CDH23: variants seen among roughly 807,000 people sequenced by gnomAD.
The protein encoded by CDH23 is cadherin related 23, also known as cadherin-23.
A neutral mutation model predicts 317.1 loss-of-function variants in CDH23; 189 were observed. That is an observed-to-expected ratio of 0.60 (90% CI 0.53 to 0.67). The LOEUF is 0.67. Ranked by LOEUF, CDH23 falls within the 30% of genes least tolerant of loss-of-function variation. CDH23 has a pLI of 0.00. For synonymous variants in CDH23, 1,839 were observed against 1,876.8 expected (o/e 0.98, Z 0.52); for missense variants, 4,401 against 4,592.4 (o/e 0.96, Z 1.20).
rs760234013 is a variant in CDH23, at chr10:71,784,873, C to A, written c.5503-18C>A. 1.2e-6 allele frequency: 2 copies of A among 1,609,188 alleles called. No individual in the cohort carries two copies. Among genetic ancestry groups the A allele is most frequent in the South Asian group, 2.2e-5 (2 of 91,016 alleles). On this transcript the variant is annotated intron_variant, in intron 42 of 69. Coordinates refer to ENST00000224721, the MANE Select transcript of CDH23 (RefSeq NM_022124.6). ...GTCGCTCTTCCTCCCCTCCCTCCTC[C>A]TTCTCTGACTGGCCCAGATGCTGGT... is the stretch of plus-strand genomic sequence containing the variant.
chr10:71,565,002 G>A (rs930211864), intron 6 of CDH23, among the ~76,000 whole-genome samples: 4 of 152,194 alleles, frequency 2.6e-5, no homozygotes, highest in Non-Finnish European at 1.5e-5. Flanking sequence ...AAGTACAAAA[G>A]CAGACTTTCA....
At chr10:71,654,602 C>T (rs1218952003) in intron 14 of CDH23, among the ~76,000 whole-genome samples, 2 of 152,184 alleles carry the variant, frequency 1.3e-5, no homozygotes, top group Non-Finnish European at 2.9e-5. Flanking sequence ...GGTGACTCGA[C>T]CAGCTGGAGT....
intron 6 of CDH23, among the ~76,000 whole-genome samples, chr10:71,535,910 CA>C (rs1855674900): frequency 6.6e-6 from 1 of 152,252 alleles, no homozygotes; most frequent in Non-Finnish European, 1.5e-5. Flanking sequence ...TGCCCATTAC[CA>C]AAACAGACAA....
chr10:71,547,053 C>G (rs1370309756), intron 6 of CDH23, among the ~76,000 whole-genome samples: 2 of 152,186 alleles, frequency 1.3e-5, no homozygotes, highest in Non-Finnish European at 2.9e-5. Context: ...GGCACTGGGC[C>G]GGGCCCTGGG....
chr10:71,657,637 G>A (rs760816938), intron 14 of CDH23, among the ~76,000 whole-genome samples: 8 of 152,130 alleles, frequency 5.3e-5, no homozygotes, highest in African/African-American at 9.7e-5. Flanking sequence ...TTGCGCCTCT[G>A]CCCAAGAATC....
chr10:71,640,984 G>A (rs551480813), intron 11 of CDH23, among the ~76,000 whole-genome samples: 2 of 152,280 alleles, frequency 1.3e-5, no homozygotes, highest in African/African-American at 4.8e-5. Flanking sequence ...GAATGCGGAT[G>A]CCTATGCTTC....
chr10:71,645,374 T>A (rs1231628297), intron 12 of CDH23, among the ~76,000 whole-genome samples: 2 of 152,202 alleles, frequency 1.3e-5, no homozygotes, highest in Non-Finnish European at 2.9e-5. Context: ...AAGAACAGCA[T>A]CTGCATCCCT....
chr10:71,551,267 T>C (rs1271713685), intron 6 of CDH23, among the ~76,000 whole-genome samples: 1 of 152,232 alleles, frequency 6.6e-6, no homozygotes, highest in Non-Finnish European at 1.5e-5. Flanking sequence ...ATTCATGGTA[T>C]TAGCATCCTG....
At chr10:71,639,051 C>T (rs1240413638) in intron 11 of CDH23, among the ~76,000 whole-genome samples, 3 of 152,174 alleles carry the variant, frequency 2.0e-5, no homozygotes, top group Non-Finnish European at 4.4e-5. Context: ...GTGTCCTTCC[C>T]CTCCCAAGAA....
At chr10:71,770,161 T>C (rs138876048) in intron 38 of CDH23, among the ~76,000 whole-genome samples, 19 of 152,316 alleles carry the variant, frequency 1.2e-4, no homozygotes, top group African/African-American at 4.3e-4. Context: ...GCAGCTTAGA[T>C]AGAAAGCCAA....
chr10:71,780,292 G>A (rs778363229), intron 41 of CDH23, among the ~76,000 whole-genome samples: 3 of 152,174 alleles, frequency 2.0e-5, no homozygotes, highest in Non-Finnish European at 2.9e-5. Flanking sequence ...GGAGGACACG[G>A]GCAATGAACC....
intron 9 of CDH23, among the ~76,000 whole-genome samples, chr10:71,594,044 T>C (rs1283281147): frequency 2.0e-5 from 3 of 152,160 alleles, no homozygotes; most frequent in South Asian, 4.1e-4. Flanking sequence ...CAGTGAGCTA[T>C]GATCATGCCA....
At chr10:71,733,556 G>A (rs1180914276) in intron 32 of CDH23, among the ~76,000 whole-genome samples, 12 of 152,146 alleles carry the variant, frequency 7.9e-5, no homozygotes, top group Admixed American at 7.9e-4. Context: ...AATGCCAGGG[G>A]ATTAAGAGCT....
At chr10:71,772,490 A>G (rs943407649) in intron 38 of CDH23, among the ~76,000 whole-genome samples, 6 of 152,252 alleles carry the variant, frequency 3.9e-5, no homozygotes, top group African/African-American at 1.2e-4. Context: ...GGCCATGGGT[A>G]CCAGGGCCTC....
chr10:71,471,162 C>CA (rs141253148), intron 3 of CDH23, among the ~76,000 whole-genome samples: 37,719 of 152,140 alleles, frequency 0.25, 5,627 homozygotes, highest in East Asian at 0.48. Flanking sequence ...CAAGCTCATG[C>CA]ACTCGCCCAC....
At chr10:71,557,634 A>T (rs576416389) in intron 6 of CDH23, among the ~76,000 whole-genome samples, 1 of 152,294 alleles carries the variant, frequency 6.6e-6, no homozygotes, top group South Asian at 2.1e-4. Flanking sequence ...CGTTCATGCT[A>T]TGCTTTTGTT....
intron 6 of CDH23, among the ~76,000 whole-genome samples, chr10:71,517,559 G>A (rs1211240479): frequency 7.0e-5 from 1 of 14,330 alleles, no homozygotes; most frequent in African/African-American, 1.1e-3. Context: ...GCGAGAAGCT[G>A]GGGGGGAGAT....
At chr10:71,571,149 C>T (rs144111142) in intron 8 of CDH23, among the ~76,000 whole-genome samples, 132 of 152,342 alleles carry the variant, frequency 8.7e-4, no homozygotes, top group African/African-American at 3.1e-3. Flanking sequence ...TGGCAAAGAA[C>T]AAAGGCTTCC....
At chr10:71,506,973 G>A (rs987625658) in intron 3 of CDH23, among the ~76,000 whole-genome samples, 10 of 152,266 alleles carry the variant, frequency 6.6e-5, no homozygotes, top group Non-Finnish European at 1.2e-4. Context: ...CCTGCCCAGC[G>A]CCCCCCTTCT....
Sources: gnomAD v4.1 joint callset for allele counts (sites outside exome capture counted in the v4.1 genomes callset) on GRCh38, gnomAD v4.1.1 for gene constraint, MANE v1.5 for transcripts, NCBI Gene and HGNC (gene_info 2026-07-23, HGNC 2026-07-21) for gene names.